The following CLMP variants were observed in gnomAD, a reference collection of about 807,000 sequenced individuals.
CLMP encodes CXADR like cell adhesion molecule, also known as CXADR-like membrane protein.
In CLMP, 27 loss-of-function variants were observed where a neutral mutation model predicts 45.2. That is an observed-to-expected ratio of 0.60 (90% CI 0.44 to 0.82). The LOEUF is 0.82. CLMP is among the 40% of genes least tolerant of loss of function. The pLI, the probability that CLMP is intolerant of heterozygous loss-of-function variation, is 0.00. For missense variants in CLMP, 403 were observed against 448.4 expected (o/e 0.90, Z 0.91); for synonymous variants, 167 against 171.4 (o/e 0.97, Z 0.20).
At chr11:123,098,416 C>G (rs753359947) in intron 1 of CLMP, among the ~76,000 whole-genome samples, 1 of 151,964 alleles carries the variant, frequency 6.6e-6, no homozygotes, top group Non-Finnish European at 1.5e-5. Context: ...TTAGTAGAGA[C>G]AGGGTTTCAC....
chr11:123,125,791 A>G (rs1860885762), intron 1 of CLMP, among the ~76,000 whole-genome samples: 1 of 151,526 alleles, frequency 6.6e-6, no homozygotes, highest in African/African-American at 2.4e-5. Context: ...TTTTTAGTAG[A>G]GACGGGGTTT....
At chr11:123,157,781 T>G (rs1382294527) in intron 1 of CLMP, among the ~76,000 whole-genome samples, 1 of 146,948 alleles carries the variant, frequency 6.8e-6, no homozygotes, top group African/African-American at 2.5e-5. Flanking sequence ...GTTACCGGCC[T>G]GGGTTCACGG....
At chr11:123,129,654 G>C (rs935539525) in intron 1 of CLMP, among the ~76,000 whole-genome samples, 4 of 135,940 alleles carry the variant, frequency 2.9e-5, no homozygotes, top group Admixed American at 8.0e-5. Context: ...ATATAGTTCA[G>C]TATATAAATT....
intron 1 of CLMP, among the ~76,000 whole-genome samples, chr11:123,121,535 T>G (rs1860818612): frequency 6.6e-6 from 1 of 152,084 alleles, no homozygotes; most frequent in African/African-American, 2.4e-5. Context: ...TGGCCTCAAG[T>G]GATCTGCCTG....
At chr11:123,105,826 T>TG (rs999118281) in intron 1 of CLMP, among the ~76,000 whole-genome samples, 4 of 122,584 alleles carry the variant, frequency 3.3e-5, no homozygotes, top group African/African-American at 1.1e-4. Context: ...GTTTTTTGTT[T>TG]TTTTTTTTTT....
chr11:123,147,362 G>A lies in CLMP; in HGVS notation c.28+47551C>T, dbSNP rs1861253399. Among the ~76,000 whole-genome samples the A allele has an allele frequency of 2.6e-5, 4 of 152,008 alleles. No homozygotes were observed. The South Asian group carries it at 8.3e-4, about 32-fold the overall frequency. On this transcript the variant is annotated intron_variant, in intron 1 of 6. Transcript: ENST00000448775. ...GTCCTTCTCTTTTATCCTGCCTGTGGCCCCATGGTCTACCTTTCACTGGCC... is the reference window on the plus strand; with the variant it reads ...GTCCTTCTCTTTTATCCTGCCTGTGACCCCATGGTCTACCTTTCACTGGCC...
chr11:123,083,257 T>C, intron 4 of CLMP, 50 bp from the exon 5 acceptor site: 1 of 1,558,030 alleles, frequency 6.4e-7, no homozygotes, highest in Non-Finnish European at 8.8e-7. Flanking sequence ...ATGGTATCTA[T>C]ATTTATTGTT....
At position 123,073,494 on chromosome 11, in the gene CLMP, T is replaced by C; in HGVS notation, c.1102A>G (p.Arg368Gly). 6.2e-7 allele frequency: 1 copy of C among 1,613,576 alleles called. No homozygotes were observed. The highest frequency in any genetic ancestry group is 1.1e-5 in the South Asian group (1 of 91,010). ...GTAATTCAGACCGTTTGGAAGGCTC[T>C]GCTCTGGCTGGGGATCATGCTGGGT... ...TTPSMIPSQS[R>G]AFQTV Residue 368 changes from arginine to glycine, a missense_variant, in exon 7 of 7, where the codon AGA (arginine) becomes GGA (glycine). Coordinates refer to ENST00000448775, the MANE Select transcript of CLMP (RefSeq NM_024769.5).
At chr11:123,122,420 G>A (rs1860832464) in intron 1 of CLMP, among the ~76,000 whole-genome samples, 2 of 152,084 alleles carry the variant, frequency 1.3e-5, no homozygotes, top group African/African-American at 2.4e-5. Flanking sequence ...TGTGTCTGTC[G>A]ACTGCGATAC....
intron 1 of CLMP, among the ~76,000 whole-genome samples, chr11:123,148,834 T>C (rs1022274336): frequency 3.3e-5 from 5 of 152,222 alleles, no homozygotes; most frequent in Non-Finnish European, 5.9e-5. Flanking sequence ...CTTCTCCAAC[T>C]TACTGCCTCT....
chr11:123,074,536 G>A (rs572527656), intron 6 of CLMP, among the ~76,000 whole-genome samples, 166 bp downstream of exon 6: 1 of 152,174 alleles, frequency 6.6e-6, no homozygotes, highest in East Asian at 1.9e-4. Context: ...ATAAAGTCCA[G>A]GTAAACCATA....
intron 2 of CLMP, among the ~76,000 whole-genome samples, chr11:123,095,034 A>G (rs938395859): frequency 1.3e-5 from 2 of 152,230 alleles, no homozygotes; most frequent in African/African-American, 4.8e-5. Flanking sequence ...CTAGCATGGC[A>G]TACAGTAAGT....
At chr11:123,120,023 T>C (rs1253987669) in intron 1 of CLMP, among the ~76,000 whole-genome samples, 1 of 152,182 alleles carries the variant, frequency 6.6e-6, no homozygotes, top group Admixed American at 6.6e-5. Context: ...TGTAAAATTT[T>C]ACTATGATGG....
Position 123,136,093 on chromosome 11 carries a change from A to G in CLMP, c.29-38141T>C, listed in dbSNP as rs980188651. 6.5e-6 allele frequency: 4 copies of G among 612,372 alleles called. No individual in the cohort carries two copies. The African/African-American group carries it at 7.4e-5, about 11-fold the overall frequency. The allele number at this position is 612,372 out of a possible 1,614,324, so 37.9% of individuals were successfully genotyped here. ...TTTGAATCTTTTTCAACTCTCTTCC[A>G]GTTAATCTGCACGTAGCCACTATGA... On this transcript the variant is annotated intron_variant, in intron 1 of 6. Coordinates refer to ENST00000448775, the MANE Select transcript of CLMP (RefSeq NM_024769.5).
intron 1 of CLMP, among the ~76,000 whole-genome samples, chr11:123,157,448 G>A (rs1861429455): frequency 6.6e-6 from 1 of 152,192 alleles, no homozygotes; most frequent in Non-Finnish European, 1.5e-5. Context: ...AGCTACTCCA[G>A]AGGCTGAGGC....
At chr11:123,159,078 A>G (rs1861451385) in intron 1 of CLMP, among the ~76,000 whole-genome samples, 1 of 152,180 alleles carries the variant, frequency 6.6e-6, no homozygotes, top group Non-Finnish European at 1.5e-5. Context: ...GTTCTAAGAC[A>G]TTTCGAAAAT....
intron 1 of CLMP, among the ~76,000 whole-genome samples, chr11:123,177,950 C>T (rs1861720081): frequency 6.6e-6 from 1 of 152,152 alleles, no homozygotes; most frequent in African/African-American, 2.4e-5. Flanking sequence ...GCAACCTCCG[C>T]CTCCCGGGTT....
chr11:123,181,624 A>G (rs749535068), intron 1 of CLMP, among the ~76,000 whole-genome samples: 1 of 152,172 alleles, frequency 6.6e-6, no homozygotes, highest in Non-Finnish European at 1.5e-5. Context: ...GTACGGCACT[A>G]TCTCCACTCA....
chr11:123,137,481 A>G (rs1861093058), intron 1 of CLMP, among the ~76,000 whole-genome samples: 1 of 151,982 alleles, frequency 6.6e-6, no homozygotes, highest in East Asian at 1.9e-4. Flanking sequence ...GGAGATGGCC[A>G]TCTCCTAAGA....
Sources: gnomAD v4.1 joint callset for allele counts (sites outside exome capture counted in the v4.1 genomes callset) on GRCh38, gnomAD v4.1.1 for gene constraint, MANE v1.5 for transcripts, NCBI Gene and HGNC (gene_info 2026-07-23, HGNC 2026-07-21) for gene names.